Variants in SRBD1 observed in about 807,000 individuals in gnomAD.
SRBD1 encodes S1 RNA-binding domain-containing protein 1.
Under a neutral mutation model 115.3 loss-of-function variants are expected in SRBD1, and 88 were observed. That is an observed-to-expected ratio of 0.76 (90% CI 0.64 to 0.91). The LOEUF is 0.91. SRBD1 is among the 40% of genes least tolerant of loss of function. The pLI is 0.00. For synonymous variants in SRBD1, 509 were observed against 407.7 expected, an observed-to-expected ratio of 1.25 and a Z score of -2.99; for missense variants, 1,385 against 1,177.4, an observed-to-expected ratio of 1.18 and a Z score of -2.58.
chr2:45,414,718 A>ATATACACACACAGTGTGTATATAGTATG (rs1667732001), intron 18 of SRBD1, among the ~76,000 whole-genome samples: 1 of 105,864 alleles, frequency 9.4e-6, no homozygotes, highest in Non-Finnish European at 2.2e-5. Flanking sequence ...TAGTATGTAT[A>ATATACACACACAGTGTGTATATAGTATG]TACACACACA....
At chr2:45,412,090 A>C (rs2103855415) in intron 19 of SRBD1, among the ~76,000 whole-genome samples, 1 of 152,270 alleles carries the variant, frequency 6.6e-6, no homozygotes, top group South Asian at 2.1e-4. Context: ...TGGGTGACAG[A>C]GAGATCTTGT....
At chr2:45,528,357 G>A (rs1045507715) in intron 14 of SRBD1, among the ~76,000 whole-genome samples, 1 of 151,726 alleles carries the variant, frequency 6.6e-6, no homozygotes, top group Admixed American at 6.6e-5. Context: ...GGAAGAAATA[G>A]GAGACACATT....
intron 14 of SRBD1, among the ~76,000 whole-genome samples, chr2:45,500,730 T>C (rs1670606459): frequency 6.6e-6 from 1 of 152,222 alleles, no homozygotes; most frequent in African/African-American, 2.4e-5. Context: ...GTATTGATTT[T>C]CATATGTTGA....
At chr2:45,557,115 T>TA (rs776387763) in intron 10 of SRBD1, among the ~76,000 whole-genome samples, 6 of 152,106 alleles carry the variant, frequency 3.9e-5, no homozygotes, top group Non-Finnish European at 7.4e-5. Flanking sequence ...TAAATTGAAG[T>TA]AACTATAAGG....
Position 45,389,214 on chromosome 2 carries a change from T to A in SRBD1, c.*96A>T. 7.3e-7 allele frequency: 1 copy of A among 1,364,166 alleles called. No individual in the cohort carries two copies. Among genetic ancestry groups the A allele is most frequent in the Admixed American group, 2.4e-5 (1 of 42,198 alleles). 84.5% of individuals were successfully genotyped at this position (1,364,166 alleles called of 1,614,324 possible). On this transcript the variant is annotated 3_prime_UTR_variant, in exon 21 of 21. Coordinates refer to ENST00000263736, the MANE Select transcript of SRBD1 (RefSeq NM_018079.5). Reference sequence around the variant, plus strand: ...TATTTCTGATATTAAGTGAATTATTTCTCATCTGCTACCTAGAGTTTACAA... The same window carrying A: ...TATTTCTGATATTAAGTGAATTATTACTCATCTGCTACCTAGAGTTTACAA...
chr2:45,418,688 C>CAA (rs537420049), intron 17 of SRBD1, 147 bp from the exon 18 acceptor site: 101 of 341,916 alleles, frequency 3.0e-4, no homozygotes, highest in South Asian at 1.1e-3. Context: ...AAAAAAAAAA[C>CAA]AAAAAAAAAA....
chr2:45,436,137 C>G (rs1018286592), intron 16 of SRBD1, among the ~76,000 whole-genome samples: 1 of 151,698 alleles, frequency 6.6e-6, no homozygotes, highest in Non-Finnish European at 1.5e-5. Flanking sequence ...ATCACATCAA[C>G]AAGCTAAAAA....
chr2:45,411,490 G>C (rs1409249251), intron 19 of SRBD1, among the ~76,000 whole-genome samples: 1 of 152,148 alleles, frequency 6.6e-6, no homozygotes, highest in African/African-American at 2.4e-5. Context: ...TTGTATGGTA[G>C]AGGGAGAAAA....
At chr2:45,543,298 C>T (rs141634769) in intron 14 of SRBD1, among the ~76,000 whole-genome samples, 3 of 152,136 alleles carry the variant, frequency 2.0e-5, no homozygotes, top group African/African-American at 4.8e-5. Context: ...TATCATGATT[C>T]GTAAGGTATT....
chr2:45,544,297 A>G (rs11896947), intron 14 of SRBD1, among the ~76,000 whole-genome samples: 77,587 of 151,090 alleles, frequency 0.51, 20,392 homozygotes, highest in African/African-American at 0.54. Context: ...ATTAGCCCAC[A>G]CTTAACATAT....
intron 10 of SRBD1, among the ~76,000 whole-genome samples, chr2:45,557,999 A>T (rs1260151182): frequency 6.6e-6 from 1 of 152,182 alleles, no homozygotes; most frequent in Admixed American, 6.5e-5. Context: ...TGCTCTCCCA[A>T]CTTCATATAT....
At chr2:45,556,013 GGAAATGAAC>G (rs1672464509) in intron 10 of SRBD1, among the ~76,000 whole-genome samples, 1 of 152,050 alleles carries the variant, frequency 6.6e-6, no homozygotes, top group Non-Finnish European at 1.5e-5. Context: ...TCTTAGGCTA[GGAAATGAAC>G]TACATTTCAC....
intron 6 of SRBD1, 72 bp from the exon 7 acceptor site, chr2:45,580,085 A>G (rs1673303000): frequency 1.6e-6 from 2 of 1,282,756 alleles, no homozygotes; most frequent in South Asian, 3.8e-5. Flanking sequence ...TTACAAAATT[A>G]GAGGACATGC....
At chr2:45,602,422 T>G (rs2104255056) in intron 2 of SRBD1, among the ~76,000 whole-genome samples, 1 of 152,380 alleles carries the variant, frequency 6.6e-6, no homozygotes, top group South Asian at 2.1e-4. Flanking sequence ...ATAGTCAATG[T>G]GAGCTTTTCA....
At chr2:45,581,390 C>G (rs745854059) in intron 6 of SRBD1, among the ~76,000 whole-genome samples, 5 of 152,210 alleles carry the variant, frequency 3.3e-5, no homozygotes, top group Non-Finnish European at 5.9e-5. Flanking sequence ...ACATCCACAT[C>G]TGGATCTCTA....
At chr2:45,495,313 C>T (rs1024462583) in intron 14 of SRBD1, among the ~76,000 whole-genome samples, 4 of 152,062 alleles carry the variant, frequency 2.6e-5, no homozygotes, top group African/African-American at 7.2e-5. Context: ...CCTTCAAATG[C>T]CATCATGGGG....
chr2:45,411,265 G>A (rs901502937), intron 19 of SRBD1, among the ~76,000 whole-genome samples: 2 of 152,188 alleles, frequency 1.3e-5, no homozygotes, highest in Non-Finnish European at 1.5e-5. Flanking sequence ...CAGAGGCCAC[G>A]AAAGTGTTCT....
chr2:45,541,181 A>C (rs1396037452), intron 14 of SRBD1, among the ~76,000 whole-genome samples: 2 of 152,226 alleles, frequency 1.3e-5, no homozygotes, highest in African/African-American at 4.8e-5. Flanking sequence ...GGTGCCATGC[A>C]AGGCTGTGGC....
intron 20 of SRBD1, among the ~76,000 whole-genome samples, chr2:45,390,340 A>G (rs1290469429): frequency 1.3e-5 from 2 of 152,150 alleles, no homozygotes; most frequent in Non-Finnish European, 1.5e-5. Flanking sequence ...TCTGTTTCCA[A>G]GTTCTTTATA....
Sources: allele counts gnomAD v4.1 joint callset (sites outside exome capture counted in the v4.1 genomes callset), GRCh38; gene constraint gnomAD v4.1.1; transcripts MANE v1.5; gene names NCBI Gene and HGNC (gene_info 2026-07-23, HGNC 2026-07-21).